ZNF804B: variants seen among roughly 807,000 people sequenced by gnomAD.
The protein encoded by ZNF804B is zinc finger 804B.
ZNF804B carries 80 observed loss-of-function variants against 101.4 expected under a neutral mutation model. That is an observed-to-expected ratio of 0.79 (90% confidence interval 0.66 to 0.95). The LOEUF (loss-of-function observed/expected upper bound fraction) is 0.95. Ranked by LOEUF, ZNF804B falls within the 40% of genes least tolerant of loss-of-function variation. The probability of loss-of-function intolerance (pLI) is 0.00; values close to 1 mark genes in which losing one functional copy is unlikely to be tolerated. For missense variants in ZNF804B, 1,673 were observed against 1,561.9 expected (o/e 1.07, Z -1.20); for synonymous variants, 622 against 558.8 (o/e 1.11, Z -1.59).
intron 1 of ZNF804B, among the ~76,000 whole-genome samples, chr7:88,782,517 A>G (rs1790244994): frequency 6.6e-6 from 1 of 152,036 alleles, no homozygotes; most frequent in African/African-American, 2.4e-5. Flanking sequence ...CTATATAATT[A>G]TATTTCAAAT....
chr7:89,066,529 C>G (rs1037914643), intron 1 of ZNF804B, among the ~76,000 whole-genome samples: 1 of 151,980 alleles, frequency 6.6e-6, no homozygotes, highest in African/African-American at 2.4e-5. Context: ...TTCATTGACG[C>G]CTGGCCAAAA....
chr7:88,787,741 T>C (rs1343532444), intron 1 of ZNF804B, among the ~76,000 whole-genome samples: 1 of 152,148 alleles, frequency 6.6e-6, no homozygotes, highest in Non-Finnish European at 1.5e-5. Context: ...ATTACACTTC[T>C]AAAAAGTTGT....
intron 1 of ZNF804B, among the ~76,000 whole-genome samples, chr7:88,945,713 T>C (rs1793118531): frequency 2.0e-5 from 3 of 152,186 alleles, no homozygotes; most frequent in Admixed American, 6.5e-5. Context: ...TGATTCTTCC[T>C]ATACATCAGC....
chr7:89,248,571 T>C (rs1425271727), intron 2 of ZNF804B, among the ~76,000 whole-genome samples: 2 of 152,110 alleles, frequency 1.3e-5, no homozygotes, highest in East Asian at 3.8e-4. Context: ...ATAAAATCTT[T>C]TTCAGAAAAG....
chr7:88,776,560 GTT>G (rs57733765), intron 1 of ZNF804B, among the ~76,000 whole-genome samples: 23 of 75,126 alleles, frequency 3.1e-4, no homozygotes, highest in Middle Eastern at 0.02. Context: ...GTGGTGTTTT[GTT>G]TTTTTTTTTT....
At chr7:89,288,859 A>G (rs1790244842) in intron 2 of ZNF804B, among the ~76,000 whole-genome samples, 1 of 152,190 alleles carries the variant, frequency 6.6e-6, no homozygotes, top group African/African-American at 2.4e-5. Context: ...AAGATGATTG[A>G]CTTTTGAAGA....
intron 1 of ZNF804B, among the ~76,000 whole-genome samples, chr7:89,194,670 A>G (rs1788517482): frequency 6.6e-6 from 1 of 151,896 alleles, no homozygotes; most frequent in African/African-American, 2.4e-5. Flanking sequence ...CCATTGATCT[A>G]TATCTCTGTT....
chr7:89,011,695 T>C (rs1788464396), intron 1 of ZNF804B, among the ~76,000 whole-genome samples: 1 of 152,170 alleles, frequency 6.6e-6, no homozygotes, highest in Non-Finnish European at 1.5e-5. Context: ...CTCATGCAGG[T>C]CACACTGATG....
At chr7:89,025,826 A>G (rs774482675) in intron 1 of ZNF804B, among the ~76,000 whole-genome samples, 1 of 152,174 alleles carries the variant, frequency 6.6e-6, no homozygotes, top group Non-Finnish European at 1.5e-5. Context: ...GTAATTAACT[A>G]TGTGTCCAAA....
chr7:88,854,730 A>G (rs1389734485), intron 1 of ZNF804B, among the ~76,000 whole-genome samples: 1 of 145,236 alleles, frequency 6.9e-6, no homozygotes, highest in African/African-American at 2.5e-5. Context: ...CATTAGGTAT[A>G]TCTCCTAATA....
chr7:89,229,510 C>T (rs1182417045), intron 2 of ZNF804B, among the ~76,000 whole-genome samples: 1 of 152,164 alleles, frequency 6.6e-6, no homozygotes, highest in Admixed American at 6.5e-5. Context: ...TCCAAGAAGA[C>T]ATAATCTTTT....
intron 1 of ZNF804B, among the ~76,000 whole-genome samples, chr7:89,120,622 C>T (rs1399563264): frequency 1.5e-5 from 2 of 134,504 alleles, no homozygotes; most frequent in Non-Finnish European, 3.0e-5. Flanking sequence ...CGCGCCACTG[C>T]ACTCCAGCCT....
At chr7:88,938,007 G>A (rs576119518) in intron 1 of ZNF804B, among the ~76,000 whole-genome samples, 7 of 152,172 alleles carry the variant, frequency 4.6e-5, no homozygotes, top group South Asian at 4.1e-4. Context: ...TGGTAGGGGC[G>A]CAGATTGGTT....
At chr7:89,085,455 A>AT (rs572401152) in intron 1 of ZNF804B, among the ~76,000 whole-genome samples, 210 of 151,624 alleles carry the variant, frequency 1.4e-3, no homozygotes, top group African/African-American at 4.5e-3. Flanking sequence ...TTGAAGTACA[A>AT]TTTTTTTTCT....
At chr7:89,111,078 T>G (rs972599505) in intron 1 of ZNF804B, among the ~76,000 whole-genome samples, 2 of 152,200 alleles carry the variant, frequency 1.3e-5, no homozygotes, top group Non-Finnish European at 2.9e-5. Context: ...TTCTTGTCAT[T>G]TTTAAATAAT....
chr7:88,971,109 T>C (rs1793532242), intron 1 of ZNF804B, among the ~76,000 whole-genome samples: 1 of 151,634 alleles, frequency 6.6e-6, no homozygotes, highest in South Asian at 2.1e-4. Flanking sequence ...AATTGAGTAG[T>C]TGCAACAGCT....
chr7:88,895,164 G>T (rs1423059478), intron 1 of ZNF804B, among the ~76,000 whole-genome samples: 3 of 152,158 alleles, frequency 2.0e-5, no homozygotes, highest in African/African-American at 7.2e-5. Flanking sequence ...AAAGCCAAAA[G>T]AAACTGTATA....
rs190690900 is a variant in ZNF804B, at chr7:89,177,049, T to A, written c.109-41106T>A. Among the ~76,000 whole-genome samples the A allele has an allele frequency of 2.5e-3, 386 of 152,248 alleles. 3 individuals carry two copies. The highest frequency in any genetic ancestry group is 8.4e-3 in the African/African-American group (349 of 41,570). On this transcript the variant is annotated intron_variant, in intron 1 of 3. Transcript: ENST00000333190. ...CTTTTTTTGTTAGTCTGGCTAAGCT[T>A]TTGTTTATTTTGCTTATCTTTTCAA...
chr7:88,928,167 A>G (rs540006415), intron 1 of ZNF804B, among the ~76,000 whole-genome samples: 1 of 152,244 alleles, frequency 6.6e-6, no homozygotes, highest in East Asian at 1.9e-4. Context: ...TTAGATTTAC[A>G]GAATCAGTTG....
Sources: gnomAD v4.1 joint callset for allele counts (sites outside exome capture counted in the v4.1 genomes callset) on GRCh38, gnomAD v4.1.1 for gene constraint, MANE v1.5 for transcripts, NCBI Gene and HGNC (gene_info 2026-07-23, HGNC 2026-07-21) for gene names.